NSMCE2: variants seen among roughly 807,000 people sequenced by gnomAD.
The protein encoded by NSMCE2 is E3 SUMO-protein ligase NSE2.
NSMCE2 carries 24 observed loss-of-function variants against 23.8 expected under a neutral mutation model. That is an observed-to-expected ratio of 1.01 (90% CI 0.73 to 1.42). The LOEUF (loss-of-function observed/expected upper bound fraction) is 1.42. NSMCE2 is among the 40% of genes most tolerant of loss of function. The pLI is 0.00. For synonymous variants in NSMCE2, 92 were observed against 94.1 expected (o/e 0.98, Z 0.13); for missense variants, 284 against 296.5 (o/e 0.96, Z 0.31).
chr8:125,267,375 C>T (rs908823935), intron 5 of NSMCE2, among the ~76,000 whole-genome samples: 4 of 152,052 alleles, frequency 2.6e-5, no homozygotes, highest in African/African-American at 9.7e-5. Context: ...TGTGTAAAGG[C>T]TTTCGTTTGT....
intron 3 of NSMCE2, among the ~76,000 whole-genome samples, chr8:125,142,990 T>C (rs372677563): frequency 6.6e-6 from 1 of 152,008 alleles, no homozygotes; most frequent in South Asian, 2.1e-4. Flanking sequence ...AGTAACCAAG[T>C]TTCTATTAAA....
At chr8:125,282,602 C>T (rs1054493844) in intron 5 of NSMCE2, among the ~76,000 whole-genome samples, 11 of 152,152 alleles carry the variant, frequency 7.2e-5, no homozygotes, top group African/African-American at 1.7e-4. Context: ...AATTTTCAAA[C>T]GGCTGTAACC....
chr8:125,271,981 T>C (rs115959683), intron 5 of NSMCE2, among the ~76,000 whole-genome samples: 2,372 of 152,038 alleles, frequency 0.016, 59 homozygotes, highest in African/African-American at 0.054. Flanking sequence ...TAGCCTTACA[T>C]TGACAACTGA....
chr8:125,171,824 C>A (rs921306433), intron 4 of NSMCE2, among the ~76,000 whole-genome samples: 12 of 152,296 alleles, frequency 7.9e-5, no homozygotes, highest in African/African-American at 2.6e-4. Context: ...TCAGCACTTC[C>A]CAGTGCCTCT....
chr8:125,346,549 CT>C (rs1238152156), intron 5 of NSMCE2, among the ~76,000 whole-genome samples: 2 of 152,196 alleles, frequency 1.3e-5, no homozygotes, highest in African/African-American at 4.8e-5. Flanking sequence ...GCTAATCAGA[CT>C]TTCCCTATTA....
chr8:125,308,388 G>A (rs567935755), intron 5 of NSMCE2, among the ~76,000 whole-genome samples: 41 of 152,158 alleles, frequency 2.7e-4, no homozygotes, highest in African/African-American at 8.4e-4. Context: ...AATTATCCTC[G>A]CCTAATGGTC....
chr8:125,249,512 T>C (rs558990884), intron 5 of NSMCE2, among the ~76,000 whole-genome samples: 2 of 152,340 alleles, frequency 1.3e-5, no homozygotes, highest in South Asian at 2.1e-4. Context: ...TGAAAAAATT[T>C]TGGGCAAAAC....
intron 7 of NSMCE2, chr8:125,363,328 C>T (rs1813637978): frequency 6.6e-6 from 1 of 152,020 alleles, no homozygotes; most frequent in Non-Finnish European, 1.5e-5. Flanking sequence ...CATGGTGAAA[C>T]TCTGTCTCTA....
chr8:125,129,948 G>A (rs1819681442), intron 3 of NSMCE2, among the ~76,000 whole-genome samples: 1 of 152,042 alleles, frequency 6.6e-6, no homozygotes, highest in African/African-American at 2.4e-5. Context: ...AACAACTCTG[G>A]TACATTCCTG....
intron 5 of NSMCE2, among the ~76,000 whole-genome samples, chr8:125,305,573 T>G (rs1828724003): frequency 6.6e-6 from 1 of 152,038 alleles, no homozygotes; most frequent in African/African-American, 2.4e-5. Flanking sequence ...AAAATGTGGG[T>G]GTTGCTGGCT....
chr8:125,096,634 CTTTTTTTTT>C (rs34656029), intron 1 of NSMCE2, among the ~76,000 whole-genome samples: 4 of 80,438 alleles, frequency 5.0e-5, no homozygotes, highest in Admixed American at 1.8e-4. Flanking sequence ...GTGTGGAATC[CTTTTTTTTT>C]TTTTTTTTTT....
chr8:125,343,224 G>A (rs569500773), intron 5 of NSMCE2, among the ~76,000 whole-genome samples: 2 of 152,302 alleles, frequency 1.3e-5, no homozygotes, highest in African/African-American at 2.4e-5. Flanking sequence ...TGAGGACAGC[G>A]CTGAGCACTA....
rs79067659 is a variant in NSMCE2, at chr8:125,190,173, TCTC to T, written c.418+7921_418+7923del. 2.9e-3 allele frequency among the ~76,000 whole-genome samples: 444 copies of T among 152,346 alleles called. 1 individual carries two copies. Among genetic ancestry groups the T allele is most frequent in the Non-Finnish European group, 4.6e-3 (314 of 68,030 alleles). On this transcript the variant is annotated intron_variant, in intron 5 of 7. Transcript: ENST00000287437. ...TTTTTATTCTTTGAGTATTTGCCTC[TCTC>T]CTCTTTCCTCCTCTCTGAGTCAGCA...
intron 5 of NSMCE2, among the ~76,000 whole-genome samples, chr8:125,226,368 C>T (rs981856802): frequency 4.6e-5 from 7 of 152,156 alleles, no homozygotes; most frequent in Non-Finnish European, 7.4e-5. Context: ...GGGACATTCG[C>T]GTGGGTCGTT....
intron 5 of NSMCE2, among the ~76,000 whole-genome samples, chr8:125,331,777 TAA>T (rs1456541656): frequency 6.6e-6 from 1 of 152,186 alleles, no homozygotes; most frequent in Non-Finnish European, 1.5e-5. Flanking sequence ...CAGTCAACGG[TAA>T]AGTTTCAGCG....
intron 5 of NSMCE2, among the ~76,000 whole-genome samples, chr8:125,240,220 G>A (rs777085517): frequency 6.6e-6 from 1 of 151,960 alleles, no homozygotes; most frequent in Non-Finnish European, 1.5e-5. Context: ...CTCCTCCCGG[G>A]TTCAAGCCAT....
chr8:125,350,818 C>T (rs749152512), intron 5 of NSMCE2, among the ~76,000 whole-genome samples: 2 of 152,170 alleles, frequency 1.3e-5, no homozygotes, highest in African/African-American at 2.4e-5. Context: ...GGTGGGGACA[C>T]AGCCAAACCA....
At chr8:125,215,015 TA>T (rs1343484898) in intron 5 of NSMCE2, among the ~76,000 whole-genome samples, 5 of 115,644 alleles carry the variant, frequency 4.3e-5, no homozygotes, top group African/African-American at 1.6e-4. Flanking sequence ...GTAACCACTT[TA>T]TTTTATTTTA....
At chr8:125,118,717 C>T (rs1299692702) in intron 3 of NSMCE2, among the ~76,000 whole-genome samples, 1 of 152,132 alleles carries the variant, frequency 6.6e-6, no homozygotes, top group Non-Finnish European at 1.5e-5. Context: ...TCTATTAGAC[C>T]AGAGAACTAT....
Sources: allele counts gnomAD v4.1 joint callset (sites outside exome capture counted in the v4.1 genomes callset), GRCh38; gene constraint gnomAD v4.1.1; transcripts MANE v1.5; gene names NCBI Gene and HGNC (gene_info 2026-07-23, HGNC 2026-07-21).